Variants in MINDY2 observed in about 807,000 individuals in gnomAD.
MINDY2 encodes MINDY lysine 48 deubiquitinase 2, also known as ubiquitin carboxyl-terminal hydrolase MINDY-2.
MINDY2 carries 52 observed loss-of-function variants against 68.2 expected under a neutral mutation model. That is an observed-to-expected ratio of 0.76 (90% CI 0.61 to 0.96). MINDY2 has a LOEUF of 0.96. MINDY2 is among the 40% of genes least tolerant of loss of function. The pLI is 0.00. For missense variants in MINDY2, 881 were observed against 773.4 expected, an observed-to-expected ratio of 1.14 and a Z score of -1.65; for synonymous variants, 372 against 303.0, an observed-to-expected ratio of 1.23 and a Z score of -2.36.
At chr15:58,851,661 A>ATTT in intron 7 of MINDY2, 110 bp from the exon 8 acceptor site, 1 of 892,874 alleles carries the variant, frequency 1.1e-6, no homozygotes, top group Admixed American at 3.4e-5. Flanking sequence ...GGCCTGGTGT[A>ATTT]TTTTTTAATA....
intron 2 of MINDY2, chr15:58,796,282 A>G (rs1902280839): frequency 2.7e-6 from 1 of 367,660 alleles, no homozygotes; most frequent in Non-Finnish European, 5.5e-6. Flanking sequence ...GTTAGTTGGA[A>G]ACTATCTTAA....
chr15:58,801,440 GA>G (rs72332455), intron 2 of MINDY2, among the ~76,000 whole-genome samples: 104,333 of 133,264 alleles, frequency 0.78, 39,428 homozygotes, highest in Middle Eastern at 0.83. Flanking sequence ...AAAATTCAAA[GA>G]AAAAAGTATG....
chr15:58,842,277 C>T (rs2032322271), intron 6 of MINDY2, among the ~76,000 whole-genome samples: 1 of 151,928 alleles, frequency 6.6e-6, no homozygotes, highest in Non-Finnish European at 1.5e-5. Context: ...TTCTTTTTTA[C>T]CATAAACTCA....
chr15:58,847,178 TA>T, intron 6 of MINDY2, 118 bp from the exon 7 acceptor site: 1 of 753,560 alleles, frequency 1.3e-6, no homozygotes, highest in Non-Finnish European at 2.0e-6. Flanking sequence ...TGTACAGATC[TA>T]AACAGTAGGA....
At chr15:58,847,717 A>G (rs2032606410) in intron 7 of MINDY2, among the ~76,000 whole-genome samples, 1 of 152,244 alleles carries the variant, frequency 6.6e-6, no homozygotes, top group Non-Finnish European at 1.5e-5. Flanking sequence ...TAATTGCAGT[A>G]GGAAAGCTAT....
At position 58,771,724 on chromosome 15, in the gene MINDY2, C is replaced by T. The variant is rs1318160684; in HGVS notation, c.329C>T (p.Ala110Val). ...CTGAGAGGGCAGTACAAGGTGACCG[C>T]CTCCCCGGAGACAGCCGTGGCCGGA... ...APLRGQYKVT[A>V]SPETAVAGVG... is the part of the protein sequence containing the mutation. The change falls in exon 1 of 9, where the codon GCC becomes GTC. Residue 110 changes from alanine to valine, a missense_variant. By Grantham distance (64) the Ala-to-Val change is moderately conservative. Coordinates refer to ENST00000559228, the MANE Select transcript of MINDY2 (RefSeq NM_001040450.3). 5.0e-6 allele frequency: 8 copies of T among 1,611,990 alleles called. No homozygotes were observed. In the Admixed American group the frequency reaches 1.2e-4, roughly 24 times the overall value.
chr15:58,809,605 CT>C (rs2030079949), intron 3 of MINDY2, among the ~76,000 whole-genome samples: 2 of 152,176 alleles, frequency 1.3e-5, no homozygotes, highest in South Asian at 4.1e-4. Context: ...TCCTCTTTGA[CT>C]TGAAAAACAT....
chr15:58,826,799 G>T lies in MINDY2; in HGVS notation c.1226-4975G>T, dbSNP rs191434241. ...GGCTCCAATTATGGATCATTTAGTT[G>T]TCACATCTCTTTAGTCTTCTGTAAT... On this transcript the variant is annotated intron_variant, in intron 5 of 8. Transcript: ENST00000559228. Among the ~76,000 whole-genome samples the T allele has an allele frequency of 3.9e-5, 6 of 151,992 alleles. No individual in the cohort carries two copies. In the East Asian group the frequency reaches 1.2e-3, roughly 29 times the overall value.
At chr15:58,849,840 C>T (rs185374778) in intron 7 of MINDY2, among the ~76,000 whole-genome samples, 73 of 152,256 alleles carry the variant, frequency 4.8e-4, no homozygotes, top group Middle Eastern at 6.8e-3. Context: ...CTCCCAGGCT[C>T]AAGCAAACAC....
intron 3 of MINDY2, among the ~76,000 whole-genome samples, chr15:58,803,934 C>T (rs1902841444): frequency 1.4e-5 from 2 of 147,018 alleles, no homozygotes; most frequent in Non-Finnish European, 3.0e-5. Flanking sequence ...TGGTGAAACC[C>T]CAGCTCTACT....
At chr15:58,803,428 A>G (rs1180018234) in intron 3 of MINDY2, among the ~76,000 whole-genome samples, 6 of 151,966 alleles carry the variant, frequency 3.9e-5, no homozygotes, top group South Asian at 2.1e-4. Context: ...GAATCGCGCC[A>G]CTATGATCCA....
chr15:58,780,798 C>G (rs1470865536), intron 1 of MINDY2, among the ~76,000 whole-genome samples: 1 of 152,058 alleles, frequency 6.6e-6, no homozygotes, highest in Admixed American at 6.6e-5. Flanking sequence ...TAAATATATT[C>G]TTGGATTTTT....
intron 1 of MINDY2, among the ~76,000 whole-genome samples, chr15:58,778,146 T>C (rs1900895323): frequency 6.6e-6 from 1 of 152,148 alleles, no homozygotes; most frequent in Admixed American, 6.6e-5. Flanking sequence ...TTAGAAAGAA[T>C]GTTATAGGTT....
intron 4 of MINDY2, among the ~76,000 whole-genome samples, chr15:58,814,781 T>C (rs1326813042): frequency 2.7e-5 from 4 of 150,778 alleles, no homozygotes; most frequent in African/African-American, 9.7e-5. Context: ...TTGGAAATAT[T>C]CTTTAATTTT....
rs983184330 is a variant in MINDY2, at chr15:58,771,929, G to C, written c.534G>C (p.Ser178=). The stretch of plus-strand genomic sequence containing the variant: ...CTCCGAGCCTGGACTCTCTGGAGTC[G>C]TTCTCTAACCTGCATTCTTTTCCCA... ...GESPSLDSLE[S]FSNLHSFPSS... is the part of the protein sequence containing the mutation. Residue 178 remains serine (S), a synonymous_variant, in exon 1 of 9, where the codon TCG becomes TCC. Transcript: ENST00000559228. 2 of 1,553,518 alleles carry C rather than the reference G, an allele frequency of 1.3e-6. No individual in the cohort carries two copies. The highest frequency in any genetic ancestry group is 1.7e-6 in the Non-Finnish European group (2 of 1,151,640).
Position 58,848,238 on chromosome 15 carries a change from A to G in MINDY2, c.1542+768A>G, listed in dbSNP as rs569963805. Among the ~76,000 whole-genome samples, 86 of 152,304 alleles carry G rather than the reference A, an allele frequency of 5.6e-4. 1 individual carries two copies. The highest frequency in any genetic ancestry group is 5.3e-4 in the Non-Finnish European group (36 of 68,044). ...TAAACAGTTGACATATATTTCACTC[A>G]TAACAATTTAAGTGCACAAAGACTG... On this transcript the variant is annotated intron_variant, in intron 7 of 8. Transcript: ENST00000559228.
At chr15:58,789,598 C>T (rs1246554223) in intron 2 of MINDY2, among the ~76,000 whole-genome samples, 1 of 151,948 alleles carries the variant, frequency 6.6e-6, no homozygotes, top group Non-Finnish European at 1.5e-5. Context: ...ACTGGGACTG[C>T]ACGCACATGC....
intron 1 of MINDY2, among the ~76,000 whole-genome samples, chr15:58,776,476 G>A (rs1452665919): frequency 6.6e-6 from 1 of 152,184 alleles, no homozygotes; most frequent in Non-Finnish European, 1.5e-5. Flanking sequence ...ATAGGGCAAT[G>A]TCATGATAGT....
intron 6 of MINDY2, among the ~76,000 whole-genome samples, chr15:58,833,848 T>C (rs1445062177): frequency 1.3e-5 from 2 of 151,986 alleles, no homozygotes; most frequent in Non-Finnish European, 2.9e-5. Context: ...TTCCTTCCTC[T>C]TTTACTAATC....
Sources: gnomAD v4.1 joint callset for allele counts (sites outside exome capture counted in the v4.1 genomes callset) on GRCh38, gnomAD v4.1.1 for gene constraint, MANE v1.5 for transcripts, NCBI Gene and HGNC (gene_info 2026-07-23, HGNC 2026-07-21) for gene names.